STK24: variants seen among roughly 807,000 people sequenced by gnomAD.
STK24 encodes serine/threonine kinase 24, also known as serine/threonine-protein kinase 24.
Under a neutral mutation model 55.6 loss-of-function variants are expected in STK24, and 21 were observed. The observed-to-expected ratio is 0.38, with a 90% CI of 0.27 to 0.54. STK24 has a LOEUF of 0.54. STK24 is among the 20% of genes least tolerant of loss of function. STK24 has a pLI of 0.79. For missense variants in STK24, 383 were observed against 538.4 expected, an observed-to-expected ratio of 0.71 and a Z score of 2.86; for synonymous variants, 200 against 215.2, an observed-to-expected ratio of 0.93 and a Z score of 0.62.
chr13:98,531,089 T>C (rs560380400), intron 1 of STK24, among the ~76,000 whole-genome samples: 85 of 152,346 alleles, frequency 5.6e-4, no homozygotes, highest in South Asian at 1.0e-3. Context: ...GAAAGCCATG[T>C]CATCTAATTA....
At chr13:98,474,029 C>A (rs538420584) in intron 5 of STK24, among the ~76,000 whole-genome samples, 2 of 152,156 alleles carry the variant, frequency 1.3e-5, no homozygotes, top group African/African-American at 4.8e-5. Flanking sequence ...GCCAATTCTC[C>A]GTGGATCATG....
At chr13:98,520,978 C>T (rs375537281) in intron 1 of STK24, among the ~76,000 whole-genome samples, 4 of 152,350 alleles carry the variant, frequency 2.6e-5, no homozygotes. Flanking sequence ...TGAACCAAGG[C>T]TTGCGTGGTG....
chr13:98,542,392 C>G (rs1416330616), intron 1 of STK24, among the ~76,000 whole-genome samples: 2 of 151,624 alleles, frequency 1.3e-5, no homozygotes, highest in Admixed American at 1.3e-4. Context: ...ACAACAACAA[C>G]AACAACAAAA....
intron 2 of STK24, among the ~76,000 whole-genome samples, chr13:98,493,265 T>A (rs1372009501): frequency 1.3e-5 from 2 of 152,244 alleles, no homozygotes; most frequent in Non-Finnish European, 2.9e-5. Context: ...ACAGAGATGT[T>A]CCTCTTTTCC....
intron 9 of STK24, among the ~76,000 whole-genome samples, chr13:98,459,109 C>T (rs1215834135): frequency 6.6e-6 from 1 of 152,180 alleles, no homozygotes; most frequent in Non-Finnish European, 1.5e-5. Context: ...TGCACTTTCC[C>T]TAACTGCCTG....
intron 1 of STK24, among the ~76,000 whole-genome samples, chr13:98,556,885 C>T (rs1454600566): frequency 6.6e-6 from 1 of 152,206 alleles, no homozygotes; most frequent in East Asian, 1.9e-4. Flanking sequence ...GTATGTGGAG[C>T]TCAGACACAT....
At chr13:98,511,304 G>A (rs1895869873) in intron 2 of STK24, among the ~76,000 whole-genome samples, 1 of 152,176 alleles carries the variant, frequency 6.6e-6, no homozygotes, top group African/African-American at 2.4e-5. Flanking sequence ...AAACTACAAT[G>A]AAATACCATT....
chr13:98,559,649 A>C (rs1024423291), intron 1 of STK24, among the ~76,000 whole-genome samples: 8 of 151,916 alleles, frequency 5.3e-5, no homozygotes, highest in African/African-American at 1.9e-4. Context: ...AGATCTTTAC[A>C]ACAAAGCCTG....
intron 10 of STK24, chr13:98,456,445 G>A (rs533139419): frequency 1.6e-5 from 8 of 492,636 alleles, no homozygotes; most frequent in South Asian, 1.2e-4. Flanking sequence ...GGACAGCCCA[G>A]TGACAAATCA....
chr13:98,539,540 G>A (rs1253153876), intron 1 of STK24, among the ~76,000 whole-genome samples: 1 of 150,342 alleles, frequency 6.7e-6, no homozygotes, highest in South Asian at 2.1e-4. Flanking sequence ...TTCTTCTCTC[G>A]ACTTGATCTC....
intron 9 of STK24, among the ~76,000 whole-genome samples, chr13:98,459,405 C>T (rs1411958998): frequency 7.2e-5 from 11 of 152,226 alleles, no homozygotes; most frequent in East Asian, 3.9e-4. Flanking sequence ...CTGCTCCCAC[C>T]GGGCCCTGAA....
At position 98,445,883 on chromosome 13, in the gene STK24, C is replaced by G; in HGVS notation, c.*7290G>C. The G allele has an allele frequency of 3.9e-6, 2 of 516,926 alleles. No individual in the cohort carries two copies. The highest frequency in any genetic ancestry group is 6.9e-6 in the Non-Finnish European group (2 of 288,552). 32.0% of individuals were successfully genotyped at this position (516,926 alleles called of 1,614,324 possible). On this transcript the variant is annotated 3_prime_UTR_variant, in exon 11 of 11. Transcript: ENST00000539966. ...TGTCTTTTGGGGGGACACAGGGACC[C>G]CAAGATGCCCCACAGCAAGTGACAA...
intron 1 of STK24, among the ~76,000 whole-genome samples, chr13:98,540,557 G>A (rs1209598549): frequency 6.6e-6 from 1 of 151,926 alleles, no homozygotes; most frequent in Non-Finnish European, 1.5e-5. Flanking sequence ...ACCAAAAAAA[G>A]CTAAGTATTG....
chr13:98,457,825 C>A (rs541093906), intron 9 of STK24, among the ~76,000 whole-genome samples: 33 of 152,324 alleles, frequency 2.2e-4, no homozygotes, highest in African/African-American at 7.2e-4. Context: ...TATGTATACA[C>A]AGGGCAATCA....
chr13:98,469,470 A>G (rs1403170580), intron 5 of STK24, among the ~76,000 whole-genome samples: 1 of 151,704 alleles, frequency 6.6e-6, no homozygotes, highest in Non-Finnish European at 1.5e-5. Flanking sequence ...AATCATTTGA[A>G]CCTGGGAGGA....
At chr13:98,468,018 C>T (rs7339274) in intron 5 of STK24, among the ~76,000 whole-genome samples, 37,061 of 152,134 alleles carry the variant, frequency 0.24, 4,736 homozygotes, top group Non-Finnish European at 0.29. Context: ...CAGTGAGAAT[C>T]GAATACATCT....
rs370070274 is a variant in STK24, at chr13:98,475,236, G to T, written c.439+14C>A. The T allele has an allele frequency of 6.3e-7, 1 of 1,588,058 alleles. No individual in the cohort carries two copies. Among genetic ancestry groups the T allele is most frequent in the East Asian group, 2.2e-5 (1 of 44,720 alleles). Reference sequence around the variant, plus strand: ...TTCAGTATTTCAAAGGAATGAAAACGGATGTCCTCTTACCTTTAATGTCTC... The same window carrying T: ...TTCAGTATTTCAAAGGAATGAAAACTGATGTCCTCTTACCTTTAATGTCTC... On this transcript the variant is annotated intron_variant, in intron 4 of 10. Coordinates refer to ENST00000539966, the MANE Select transcript of STK24 (RefSeq NM_001032296.4).
At chr13:98,484,481 T>C (rs2139308542) in intron 2 of STK24, among the ~76,000 whole-genome samples, 1 of 152,214 alleles carries the variant, frequency 6.6e-6, no homozygotes, top group African/African-American at 2.4e-5. Context: ...TAGCCAGCTG[T>C]GCAATATGAC....
intron 3 of STK24, among the ~76,000 whole-genome samples, chr13:98,478,859 C>T (rs970939959): frequency 2.0e-5 from 3 of 152,194 alleles, no homozygotes; most frequent in Admixed American, 6.5e-5. Context: ...CCCTCTGTGG[C>T]TCATCCTCAC....
Sources: gnomAD v4.1 joint callset for allele counts (sites outside exome capture counted in the v4.1 genomes callset) on GRCh38, gnomAD v4.1.1 for gene constraint, MANE v1.5 for transcripts, NCBI Gene and HGNC (gene_info 2026-07-23, HGNC 2026-07-21) for gene names.